BBS9: variants seen among roughly 807,000 people sequenced by gnomAD.
The protein encoded by BBS9 is protein PTHB1.
In BBS9, 89 loss-of-function variants were observed where a neutral mutation model predicts 117.7. The ratio of observed to expected loss-of-function variants is 0.76; its 90% CI spans 0.64 to 0.90. The LOEUF is 0.90. BBS9 is among the 40% of genes least tolerant of loss of function. The pLI is 0.00. For synonymous variants in BBS9, 379 were observed against 370.9 expected (o/e 1.02, Z -0.25); for missense variants, 982 against 1,042.2 (o/e 0.94, Z 0.80).
At chr7:33,599,908 G>T (rs1299096445) in intron 21 of BBS9, among the ~76,000 whole-genome samples, 1 of 152,102 alleles carries the variant, frequency 6.6e-6, no homozygotes, top group African/African-American at 2.4e-5. Flanking sequence ...TCCTGCGCTG[G>T]TGGGAGAGAG....
At chr7:33,155,131 T>TA (rs1562692382) in intron 3 of BBS9, among the ~76,000 whole-genome samples, 1 of 152,262 alleles carries the variant, frequency 6.6e-6, no homozygotes, top group African/African-American at 2.4e-5. Flanking sequence ...TCAATACTTG[T>TA]AATAAAATTT....
chr7:33,446,629 A>C (rs1416153735), intron 19 of BBS9, among the ~76,000 whole-genome samples: 1 of 152,210 alleles, frequency 6.6e-6, no homozygotes, highest in Admixed American at 6.5e-5. Context: ...AAAGTGATTA[A>C]ATGAGAAAGC....
chr7:33,349,682 C>T (rs571806967), intron 13 of BBS9, among the ~76,000 whole-genome samples: 9 of 152,266 alleles, frequency 5.9e-5, no homozygotes, highest in African/African-American at 1.7e-4. Context: ...TTGCCTATCT[C>T]GGCCTCCCAG....
At chr7:33,466,122 T>C (rs1351074862) in intron 19 of BBS9, among the ~76,000 whole-genome samples, 1 of 152,122 alleles carries the variant, frequency 6.6e-6, no homozygotes. Context: ...CTAGTTAACA[T>C]ATGCATCAAC....
At chr7:33,329,043 G>A (rs1399805540) in intron 9 of BBS9, among the ~76,000 whole-genome samples, 5 of 121,316 alleles carry the variant, frequency 4.1e-5, no homozygotes, top group African/African-American at 1.4e-4. Flanking sequence ...ATTTAGAAAC[G>A]GAGTTTCGCT....
chr7:33,588,156 T>C (rs1466122519), intron 21 of BBS9, among the ~76,000 whole-genome samples: 1 of 152,158 alleles, frequency 6.6e-6, no homozygotes, highest in Non-Finnish European at 1.5e-5. Flanking sequence ...GGGGTGGACA[T>C]TTTGTTGTTG....
chr7:33,257,126 G>A lies in BBS9; in HGVS notation c.443-110G>A, dbSNP rs1797199245. The A allele has an allele frequency of 7.1e-6, 5 of 705,796 alleles. No homozygotes were observed. In the East Asian group the frequency reaches 1.5e-4, roughly 22 times the overall value. The allele number at this position is 705,796 out of a possible 1,614,324, so 43.7% of individuals were successfully genotyped here. ...CACACCGAATGCTGCTTAATGCTAT[G>A]ATTTATGTAAAATTGGTGCCTAAGA... On this transcript the variant is annotated intron_variant, in intron 5 of 22. Coordinates refer to ENST00000242067, the MANE Select transcript of BBS9 (RefSeq NM_198428.3).
At chr7:33,391,626 T>G (rs1037909117) in intron 19 of BBS9, among the ~76,000 whole-genome samples, 1 of 152,242 alleles carries the variant, frequency 6.6e-6, no homozygotes, top group Non-Finnish European at 1.5e-5. Context: ...ATGCTGCATA[T>G]TTTTCACATG....
intron 21 of BBS9, among the ~76,000 whole-genome samples, chr7:33,562,721 C>T (rs544213949): frequency 1.3e-5 from 2 of 152,114 alleles, no homozygotes; most frequent in Admixed American, 6.5e-5. Flanking sequence ...GTCAGGAGAT[C>T]GAGACCATCC....
intron 21 of BBS9, among the ~76,000 whole-genome samples, chr7:33,631,730 G>A (rs1865898433): frequency 6.6e-6 from 1 of 152,154 alleles, no homozygotes; most frequent in Admixed American, 6.5e-5. Flanking sequence ...ATTTCAGATG[G>A]TAAGGAAACA....
At chr7:33,596,241 C>G (rs1284490850) in intron 21 of BBS9, among the ~76,000 whole-genome samples, 1 of 145,930 alleles carries the variant, frequency 6.9e-6, no homozygotes, top group East Asian at 2.0e-4. Context: ...AAGATGGCCC[C>G]TGAGCACAGA....
rs1818953176 is a variant in BBS9 at position 33,352,984 on chromosome 7, G to C, written c.1552+111G>C. On this transcript the variant is annotated intron_variant, in intron 15 of 22. Transcript: ENST00000242067. ...TTTTTATGGACTGCTCTTTTAACTA[G>C]AAGAAGTTCTTTAGGATGATACAGT... 7 of 1,139,344 alleles carry C rather than the reference G, an allele frequency of 6.1e-6. No individual in the cohort carries two copies. In the South Asian group the frequency reaches 6.6e-5, roughly 11 times the overall value. The allele number at this position is 1,139,344 out of a possible 1,614,324, so 70.6% of individuals were successfully genotyped here.
rs1248613954 is a variant in BBS9, at chr7:33,604,221, G to T, written c.2522-644G>T. Among the ~76,000 whole-genome samples the T allele has an allele frequency of 2.0e-5, 3 of 152,180 alleles. No individual in the cohort carries two copies. The South Asian group carries it at 6.2e-4, about 32-fold the overall frequency. On this transcript the variant is annotated intron_variant, in intron 21 of 22. Coordinates refer to ENST00000242067, the MANE Select transcript of BBS9 (RefSeq NM_198428.3). The stretch of plus-strand genomic sequence containing the variant: ...TGTGAGTTTCCCATACAAGATTTTG[G>T]TGGATAAAGTCAAATGAGTTATACC...
At chr7:33,596,371 C>CTATG (rs1862797036) in intron 21 of BBS9, among the ~76,000 whole-genome samples, 2 of 149,718 alleles carry the variant, frequency 1.3e-5, no homozygotes, top group Non-Finnish European at 3.0e-5. Context: ...ATCTATCTAT[C>CTATG]TATCTATCTA....
chr7:33,429,163 A>C (rs954709367), intron 19 of BBS9, among the ~76,000 whole-genome samples: 10 of 152,050 alleles, frequency 6.6e-5, no homozygotes, highest in African/African-American at 2.4e-4. Context: ...ACACATTGGC[A>C]TATGTGTAGC....
In BBS9 at chr7:33,368,577, T is replaced by TACACACACACAC. The variant is rs201655079; in HGVS notation, c.1789+744_1789+755dup. Among the ~76,000 whole-genome samples the TACACACACACAC allele has an allele frequency of 2.4e-3, 313 of 128,458 alleles. 2 individuals are homozygous for TACACACACACAC. The highest frequency in any genetic ancestry group is 8.6e-3 in the South Asian group (34 of 3,968). 84.3% of individuals were successfully genotyped at this position (128,458 alleles called of 152,430 possible). Reference sequence around the variant, plus strand: ...ACGAATCTGTATTGAGAGAAAAAAGTACACACACACACACACACACACACA... The same window carrying TACACACACACAC: ...ACGAATCTGTATTGAGAGAAAAAAGTACACACACACACACACACACACACACACACACACACA... On this transcript the variant is annotated intron_variant, in intron 17 of 22. Transcript: ENST00000242067.
At chr7:33,632,560 C>T (rs901603366) in intron 21 of BBS9, among the ~76,000 whole-genome samples, 2 of 152,262 alleles carry the variant, frequency 1.3e-5, no homozygotes, top group African/African-American at 2.4e-5. Context: ...CCTTGTCCTC[C>T]CTCTGGGTTC....
At chr7:33,241,042 A>C (rs955608098) in intron 5 of BBS9, among the ~76,000 whole-genome samples, 3 of 152,156 alleles carry the variant, frequency 2.0e-5, no homozygotes, top group Non-Finnish European at 4.4e-5. Context: ...ATACCATGTT[A>C]ATAAGGGTGT....
chr7:33,135,602 G>A (rs1790330233), intron 1 of BBS9, among the ~76,000 whole-genome samples: 1 of 152,152 alleles, frequency 6.6e-6, no homozygotes, highest in Non-Finnish European at 1.5e-5. Flanking sequence ...TTTGATATGG[G>A]GAAGTGTGAG....
Sources: gnomAD v4.1 joint callset for allele counts (sites outside exome capture counted in the v4.1 genomes callset) on GRCh38, gnomAD v4.1.1 for gene constraint, MANE v1.5 for transcripts, NCBI Gene and HGNC (gene_info 2026-07-23, HGNC 2026-07-21) for gene names.